The following ACACA variants were observed in gnomAD, a reference collection of about 807,000 sequenced individuals.
ACACA encodes acetyl-CoA carboxylase 1.
ACACA carries 103 observed loss-of-function variants against 296.1 expected under a neutral mutation model. The observed-to-expected ratio is 0.35, with a 90% CI of 0.30 to 0.41. The LOEUF is 0.41. Among genes scored for constraint, ACACA ranks in the 10% least tolerant of loss-of-function variants. The pLI, the probability that ACACA is intolerant of heterozygous loss-of-function variation, is 1.00. For synonymous variants in ACACA, 953 were observed against 1,038.6 expected (o/e 0.92, Z 1.58); for missense variants, 1,554 against 2,989.7 (o/e 0.52, Z 11.20).
Position 37,097,831 on chromosome 17 carries a change from C to G in ACACA, c.6719G>C (p.Ser2240Thr). The G allele has an allele frequency of 6.2e-7, 1 of 1,614,204 alleles. No homozygotes were observed. Among genetic ancestry groups the G allele is most frequent in the South Asian group, 1.1e-5 (1 of 91,088 alleles). The change falls in exon 53 of 56, where the codon AGC (serine) becomes ACC (threonine). Residue 2240 changes from serine to threonine, a missense_variant and splice_region_variant. Ser to Thr is a moderately conservative substitution (Grantham distance 58). Around this residue, in one of 16 missense-constraint regions of ACACA, gnomAD observed 553 missense variants for 1,043.6 expected, o/e 0.53. Transcript: ENST00000616317. The surrounding 1 kb of genome is among the most constrained non-coding windows in gnomAD (Gnocchi z 4.8). The stretch of plus-strand genomic sequence containing the variant: ...AGAAGTGGCAACCATTGTACTTACG[C>G]TAATAACACCCTTCTCCTGCATCCG... ...PGRMQEKGVI[S>T]DILDWKTSRT...
At chr17:37,195,062 G>C (rs2077930205) in intron 35 of ACACA, among the ~76,000 whole-genome samples, 1 of 152,024 alleles carries the variant, frequency 6.6e-6, no homozygotes, top group African/African-American at 2.4e-5. Flanking sequence ...TTTTATTCTA[G>C]TGAGGTACAG....
chr17:37,129,356 T>C lies in ACACA; in HGVS notation c.5944+9A>G, dbSNP rs746385554. 2 of 1,613,828 alleles carry C rather than the reference T, an allele frequency of 1.2e-6. No individual in the cohort carries two copies. Among genetic ancestry groups the C allele is most frequent in the African/African-American group, 1.3e-5 (1 of 74,862 alleles). ...CCAGGTACCATGGGGTCCTCAAACA[T>C]ATACATACTTGGGTGAGGACGGCCT... On this transcript the variant is annotated intron_variant, in intron 47 of 55. Transcript: ENST00000616317.
intron 1 of ACACA, among the ~76,000 whole-genome samples, chr17:37,370,899 G>A (rs984585999): frequency 2.0e-5 from 3 of 150,732 alleles, no homozygotes; most frequent in African/African-American, 4.9e-5. Context: ...CAGGAGAATC[G>A]CCTGAACCTG....
intron 3 of ACACA, chr17:37,301,471 A>T (rs2083613568): frequency 1.1e-6 from 1 of 871,896 alleles, no homozygotes; most frequent in Non-Finnish European, 1.4e-6. Flanking sequence ...CCCGGCAGAC[A>T]GTGATGCATT....
intron 25 of ACACA, among the ~76,000 whole-genome samples, chr17:37,234,061 A>G (rs981672367): frequency 1.3e-5 from 2 of 152,246 alleles, no homozygotes; most frequent in Non-Finnish European, 2.9e-5. Context: ...AAAAAATAGC[A>G]TGAAGATGTA....
intron 24 of ACACA, among the ~76,000 whole-genome samples, chr17:37,238,215 T>C (rs2080208386): frequency 6.6e-6 from 1 of 152,040 alleles, no homozygotes; most frequent in Admixed American, 6.6e-5. Flanking sequence ...CTTTAGTACA[T>C]ATTTAAGTCT....
chr17:37,315,218 A>G (rs1023502618), intron 3 of ACACA, among the ~76,000 whole-genome samples: 4 of 152,256 alleles, frequency 2.6e-5, no homozygotes, highest in Admixed American at 2.6e-4. Context: ...TCTGCCTCCC[A>G]AAGTGCTGGG....
chr17:37,268,741 C>CTATCTATCTATCTATATATA (rs1219982787), intron 10 of ACACA, among the ~76,000 whole-genome samples: 2 of 94,510 alleles, frequency 2.1e-5, no homozygotes, highest in African/African-American at 8.0e-5. Flanking sequence ...ATCTATCTAT[C>CTATCTATCTATCTATATATA]TATATATATA....
chr17:37,299,445 T>C, intron 3 of ACACA: 1 of 1,587,460 alleles, frequency 6.3e-7, no homozygotes, highest in Non-Finnish European at 8.6e-7. Context: ...CAAGAGATAC[T>C]GTGCCTTCTG....
chr17:37,372,230 G>A (rs933323392), intron 1 of ACACA, among the ~76,000 whole-genome samples: 4 of 151,904 alleles, frequency 2.6e-5, no homozygotes, highest in African/African-American at 9.7e-5. Flanking sequence ...TGGCTAACAC[G>A]GTGAAACCCC....
At chr17:37,188,251 C>CT in intron 39 of ACACA, 26 bp downstream of exon 39, 2 of 1,609,314 alleles carry the variant, frequency 1.2e-6, no homozygotes, top group Non-Finnish European at 1.7e-6. Context: ...AATCAAAACT[C>CT]TGAGGAGCCT....
At chr17:37,363,851 G>T (rs1440150039) in intron 1 of ACACA, among the ~76,000 whole-genome samples, 2 of 151,972 alleles carry the variant, frequency 1.3e-5, no homozygotes, top group Non-Finnish European at 2.9e-5. Flanking sequence ...GGCAGGGCAC[G>T]GTGGCTCATG....
At chr17:37,263,274 C>T (rs2081598267) in intron 11 of ACACA, among the ~76,000 whole-genome samples, 1 of 152,134 alleles carries the variant, frequency 6.6e-6, no homozygotes, top group African/African-American at 2.4e-5. Flanking sequence ...AATGTGTGAA[C>T]TCTGAAGATA....
At chr17:37,402,365 A>G (rs2051320802) in intron 1 of ACACA, among the ~76,000 whole-genome samples, 2 of 152,106 alleles carry the variant, frequency 1.3e-5, no homozygotes, top group South Asian at 4.2e-4. Context: ...GCATATGAGA[A>G]ATGAAGGTAT....
At chr17:37,343,964 C>T (rs1350734370) in intron 1 of ACACA, among the ~76,000 whole-genome samples, 1 of 151,624 alleles carries the variant, frequency 6.6e-6, no homozygotes, top group African/African-American at 2.4e-5. Context: ...AATAGTGAAA[C>T]AGATGCTGAT....
intron 3 of ACACA, among the ~76,000 whole-genome samples, chr17:37,328,347 G>A (rs1005436652): frequency 2.0e-5 from 3 of 152,072 alleles, no homozygotes; most frequent in Non-Finnish European, 2.9e-5. Context: ...TAGGAGGATC[G>A]CTTGAGGCCA....
intron 54 of ACACA, 29 bp from the exon 55 acceptor site, chr17:37,089,103 C>G: frequency 6.2e-7 from 1 of 1,614,106 alleles, no homozygotes; most frequent in Non-Finnish European, 8.5e-7. Context: ...TGGTCAAACA[C>G]CAGGGGTCAG....
intron 54 of ACACA, among the ~76,000 whole-genome samples, chr17:37,093,298 C>T (rs759681482): frequency 1.5e-4 from 23 of 152,174 alleles, no homozygotes; most frequent in Non-Finnish European, 3.1e-4. Flanking sequence ...ACCATGGCAT[C>T]GGGTTGTGGG....
chr17:37,223,396 C>T, intron 28 of ACACA, 116 bp downstream of exon 28: 2 of 824,656 alleles, frequency 2.4e-6, no homozygotes, highest in Non-Finnish European at 2.1e-6. Flanking sequence ...AGACTAACTA[C>T]CCTTAAGAAC....
Sources: allele counts gnomAD v4.1 joint callset (sites outside exome capture counted in the v4.1 genomes callset), GRCh38; gene constraint gnomAD v4.1.1; regional missense constraint gnomAD v4.1.1; non-coding constraint Gnocchi (gnomAD v3.1); transcripts MANE v1.5; gene names NCBI Gene and HGNC (gene_info 2026-07-23, HGNC 2026-07-21).